LRP6: variants seen among roughly 807,000 people sequenced by gnomAD.
LRP6 encodes the protein LDL receptor related protein 6.
A neutral mutation model predicts 184.1 loss-of-function variants in LRP6; 43 were observed. The observed-to-expected ratio is 0.23, with a 90% CI of 0.18 to 0.30. LRP6 has a LOEUF of 0.30. LRP6 is among the 10% of genes least tolerant of loss of function. LRP6 has a pLI of 1.00. For synonymous variants in LRP6, 719 were observed against 684.9 expected (o/e 1.05, Z -0.78); for missense variants, 1,571 against 2,005.3 (o/e 0.78, Z 4.14).
intron 20 of LRP6, among the ~76,000 whole-genome samples, chr12:12,125,971 C>T (rs891081295): frequency 3.3e-5 from 5 of 152,132 alleles, no homozygotes; most frequent in Non-Finnish European, 7.3e-5. Context: ...AACAAAGCAA[C>T]ACTACCATTA....
At chr12:12,124,132 G>A (rs1224551091) in intron 22 of LRP6, among the ~76,000 whole-genome samples, 4 of 151,868 alleles carry the variant, frequency 2.6e-5, no homozygotes, top group African/African-American at 9.7e-5. Flanking sequence ...CCAGCACTTT[G>A]GGAGGCCAAG....
chr12:12,222,278 G>T (rs1864509121), intron 2 of LRP6, among the ~76,000 whole-genome samples: 1 of 152,028 alleles, frequency 6.6e-6, no homozygotes, highest in Non-Finnish European at 1.5e-5. Flanking sequence ...TATAAAGAAA[G>T]ATCACGGCCG....
Position 12,206,222 on chromosome 12 carries a change from T to C in LRP6, c.450-2822A>G, listed in dbSNP as rs77748709. On this transcript the variant is annotated intron_variant, in intron 2 of 22. Coordinates refer to ENST00000261349, the MANE Select transcript of LRP6 (RefSeq NM_002336.3). ...CTGTTAAGCGACACATGACTATATA[T>C]AGGAAGGTAGACCAGACCATGTTAC... Among the ~76,000 whole-genome samples the C allele has an allele frequency of 2.9e-3, 436 of 152,254 alleles. 2 individuals are homozygous for C. Among genetic ancestry groups the C allele is most frequent in the Non-Finnish European group, 3.4e-3 (228 of 68,026 alleles).
At chr12:12,257,779 C>CCAAAA (rs1865504951) in intron 1 of LRP6, among the ~76,000 whole-genome samples, 2 of 35,320 alleles carry the variant, frequency 5.7e-5, no homozygotes, top group African/African-American at 1.1e-4. Flanking sequence ...CCTGTCTCTA[C>CCAAAA]AAAAAAAAAA....
chr12:12,145,108 C>T (rs1244477986), intron 15 of LRP6, among the ~76,000 whole-genome samples: 1 of 150,950 alleles, frequency 6.6e-6, no homozygotes, highest in Non-Finnish European at 1.5e-5. Flanking sequence ...ATTCAGATTG[C>T]AACAGAAGGT....
intron 3 of LRP6, among the ~76,000 whole-genome samples, chr12:12,202,309 G>A (rs7311064): frequency 0.094 from 14,247 of 152,266 alleles, 719 homozygotes; most frequent in African/African-American, 0.12. Flanking sequence ...TTCGGAGGCC[G>A]AGGCCGGTGA....
Position 12,148,923 on chromosome 12 carries a change from C to T in LRP6, c.3206+19G>A, listed in dbSNP as rs768111797. On this transcript the variant is annotated intron_variant, in intron 14 of 22. Coordinates refer to ENST00000261349, the MANE Select transcript of LRP6 (RefSeq NM_002336.3). ...AGTCTCAGAAGCCACAGTATCTGAA[C>T]GCCACTTTAGTAACATACCCTTTCT... The T allele has an allele frequency of 1.5e-4, 239 of 1,594,096 alleles. 4 individuals are homozygous for T. The South Asian group carries it at 1.8e-3, about 12-fold the overall frequency.
At chr12:12,137,386 T>C (rs1375916237) in intron 16 of LRP6, among the ~76,000 whole-genome samples, 3 of 152,170 alleles carry the variant, frequency 2.0e-5, no homozygotes, top group African/African-American at 7.2e-5. Flanking sequence ...TAGGCCAAGA[T>C]GACTAGCCAT....
intron 19 of LRP6, among the ~76,000 whole-genome samples, chr12:12,128,230 T>TA (rs751921216): frequency 4.6e-5 from 7 of 152,136 alleles, no homozygotes; most frequent in East Asian, 3.9e-4. Flanking sequence ...GTCTTCTCTT[T>TA]AAAAAAAAGT....
At chr12:12,180,666 A>AT (rs1410394353) in intron 6 of LRP6, among the ~76,000 whole-genome samples, 2 of 152,204 alleles carry the variant, frequency 1.3e-5, no homozygotes, top group African/African-American at 4.8e-5. Context: ...GGGAAAAAAA[A>AT]GTAAGCTATA....
intron 13 of LRP6, 98 bp from the exon 14 acceptor site, chr12:12,149,251 G>T: frequency 1.1e-6 from 1 of 911,926 alleles, no homozygotes; most frequent in South Asian, 1.3e-5. Flanking sequence ...GCACACAGCT[G>T]AGAAGGCTCT....
intron 16 of LRP6, among the ~76,000 whole-genome samples, chr12:12,137,452 A>AT (rs1242657901): frequency 2.6e-5 from 4 of 152,110 alleles, no homozygotes; most frequent in Non-Finnish European, 5.9e-5. Context: ...CCTGGGGCTC[A>AT]TGGAGATGGC....
chr12:12,145,508 T>C (rs1949992330), intron 15 of LRP6, among the ~76,000 whole-genome samples: 1 of 149,210 alleles, frequency 6.7e-6, no homozygotes. Flanking sequence ...TCCCCTCTCC[T>C]CTCTCCCCTC....
In LRP6 at chr12:12,181,337, C is replaced by T. The variant is rs141212743; in HGVS notation, c.1079G>A (p.Arg360His). ...ATCGTAATCTATGGCAATGGCATGACGGATGTCTTCTAACTGCAGAACAAT... is the reference window on the plus strand; with the variant it reads ...ATCGTAATCTATGGCAATGGCATGATGGATGTCTTCTAACTGCAGAACAAT... ...TDIVLQLEDIRHAIAIDYDPV... is the reference protein window; with the variant it reads ...TDIVLQLEDIHHAIAIDYDPV... The change falls in exon 6 of 23, where the codon CGT becomes CAT. Residue 360 changes from arginine (R) to histidine (H), a missense_variant. Arg to His is a conservative substitution (Grantham distance 29). Around this residue, in one of 4 missense-constraint regions of LRP6, gnomAD observed 640 missense variants for 851.9 expected, o/e 0.75. Coordinates refer to ENST00000261349, the MANE Select transcript of LRP6 (RefSeq NM_002336.3). 391 of 1,613,806 alleles carry T rather than the reference C, an allele frequency of 2.4e-4. No individual in the cohort carries two copies. Among genetic ancestry groups the T allele is most frequent in the Non-Finnish European group, 3.0e-4 (350 of 1,179,758 alleles).
At position 12,266,728 on chromosome 12, in the gene LRP6, GC is replaced by G; in HGVS notation, c.7del (p.Ala3ProfsTer3). 6.2e-7 allele frequency: 1 copy of G among 1,613,458 alleles called. No homozygotes were observed. The highest frequency in any genetic ancestry group is 8.5e-7 in the Non-Finnish European group (1 of 1,179,712). On this transcript the variant is annotated frameshift_variant, in exon 1 of 23. Transcript: ENST00000261349. LOFTEE classifies it high-confidence loss of function. MG[A>X]VLRSLLACSF... ...GCAGGCCAGGAGGCTCCTCAGGACG[GC>G]CCCCATCTTCCCTTCTCGCGTTCTC... is the stretch of plus-strand genomic sequence containing the variant.
intron 1 of LRP6, among the ~76,000 whole-genome samples, chr12:12,247,630 C>T (rs1225592895): frequency 6.6e-6 from 1 of 152,168 alleles, no homozygotes; most frequent in Non-Finnish European, 1.5e-5. Flanking sequence ...TCCAACCACC[C>T]TTCTGATGCT....
At chr12:12,210,983 G>C (rs1443408011) in intron 2 of LRP6, 1 of 152,158 alleles carries the variant, frequency 6.6e-6, no homozygotes, top group African/African-American at 2.4e-5. Context: ...AAAGAATTGT[G>C]AAGAAATCGG....
At chr12:12,207,917 A>T (rs1864109291) in intron 2 of LRP6, among the ~76,000 whole-genome samples, 1 of 152,220 alleles carries the variant, frequency 6.6e-6, no homozygotes, top group Non-Finnish European at 1.5e-5. Context: ...ACAGTGACAC[A>T]GAGGCAATCC....
chr12:12,180,683 C>T (rs1442664333), intron 6 of LRP6, among the ~76,000 whole-genome samples: 2 of 151,984 alleles, frequency 1.3e-5, no homozygotes, highest in East Asian at 1.9e-4. Context: ...TATATTCTTA[C>T]TATAAAGTAC....
Sources: gnomAD v4.1 joint callset for allele counts (sites outside exome capture counted in the v4.1 genomes callset) on GRCh38, gnomAD v4.1.1 for gene constraint, gnomAD v4.1.1 regional missense constraint, MANE v1.5 for transcripts, NCBI Gene and HGNC (gene_info 2026-07-23, HGNC 2026-07-21) for gene names.